Variants in LHFPL3 observed in about 807,000 individuals in gnomAD.
The protein encoded by LHFPL3 is LHFPL tetraspan subfamily member 3.
LHFPL3 carries 5 observed loss-of-function variants against 19.3 expected under a neutral mutation model. That is an observed-to-expected ratio of 0.26 (90% CI 0.14 to 0.54). The LOEUF (loss-of-function observed/expected upper bound fraction) is 0.54. Among genes scored for constraint, LHFPL3 ranks in the 20% least tolerant of loss-of-function variants. The pLI is 0.94. For synonymous variants in LHFPL3, 133 were observed against 126.2 expected, an observed-to-expected ratio of 1.05 and a Z score of -0.36; for missense variants, 249 against 307.4, an observed-to-expected ratio of 0.81 and a Z score of 1.42.
intron 1 of LHFPL3, among the ~76,000 whole-genome samples, chr7:104,377,259 A>G (rs1296427191): frequency 6.6e-6 from 1 of 152,172 alleles, no homozygotes; most frequent in African/African-American, 2.4e-5. Flanking sequence ...AGGAAAGGTG[A>G]CTGAGAGAGA....
At chr7:104,873,828 GCAAGGCTCCTGA>G (rs1301118242) in intron 2 of LHFPL3, among the ~76,000 whole-genome samples, 4 of 152,304 alleles carry the variant, frequency 2.6e-5, no homozygotes, top group Admixed American at 2.6e-4. Flanking sequence ...AGAGTGCGAG[GCAAGGCTCCTGA>G]CAAGACTGTT....
At chr7:104,888,102 T>A (rs1315195004) in intron 2 of LHFPL3, among the ~76,000 whole-genome samples, 2 of 151,876 alleles carry the variant, frequency 1.3e-5, no homozygotes, top group African/African-American at 4.8e-5. Flanking sequence ...GAACCTCACA[T>A]ACATGTACAC....
At chr7:104,426,242 T>C (rs1390123834) in intron 1 of LHFPL3, among the ~76,000 whole-genome samples, 1 of 143,758 alleles carries the variant, frequency 7.0e-6, no homozygotes, top group Non-Finnish European at 1.5e-5. Context: ...TATGTTCTGT[T>C]TGTTTGTTTG....
At chr7:104,703,712 CTTG>C (rs766161465) in intron 1 of LHFPL3, among the ~76,000 whole-genome samples, 26 of 152,232 alleles carry the variant, frequency 1.7e-4, no homozygotes, top group African/African-American at 3.6e-4. Flanking sequence ...CCTTTTCATA[CTTG>C]TTGTGATAAC....
chr7:104,529,345 T>C lies in LHFPL3; in HGVS notation c.445+200121T>C, dbSNP rs559211152. Among the ~76,000 whole-genome samples the C allele has an allele frequency of 2.3e-4, 35 of 152,298 alleles. No homozygotes were observed. The South Asian group carries it at 2.7e-3, about 12-fold the overall frequency. On this transcript the variant is annotated intron_variant, in intron 1 of 2. Transcript: ENST00000424859. ...CTTCATCTCTTGCTACTTCTTGTTC[T>C]GCCCCCAATGTCTCCATCACGAGGA...
chr7:104,436,087 C>A (rs1446607221), intron 1 of LHFPL3, among the ~76,000 whole-genome samples: 1 of 152,028 alleles, frequency 6.6e-6, no homozygotes, highest in East Asian at 1.9e-4. Flanking sequence ...CATATGGGAG[C>A]CCCTAGCCCC....
chr7:104,905,019 G>A (rs1041558484), intron 2 of LHFPL3, among the ~76,000 whole-genome samples: 17 of 152,032 alleles, frequency 1.1e-4, no homozygotes, highest in African/African-American at 3.4e-4. Context: ...GCAGTGGTGC[G>A]ATCTTTGCTC....
intron 1 of LHFPL3, among the ~76,000 whole-genome samples, chr7:104,438,792 A>C (rs1475501945): frequency 6.6e-6 from 1 of 151,302 alleles, no homozygotes; most frequent in African/African-American, 2.4e-5. Context: ...CAGCAGAGAA[A>C]TTTAACAAAC....
chr7:104,398,675 A>G (rs1791244588), intron 1 of LHFPL3, among the ~76,000 whole-genome samples: 1 of 152,184 alleles, frequency 6.6e-6, no homozygotes, highest in Admixed American at 6.5e-5. Flanking sequence ...TCTTCCAGCC[A>G]TTAGCAAGAA....
intron 2 of LHFPL3, among the ~76,000 whole-genome samples, chr7:104,770,107 C>G (rs1162120148): frequency 1.3e-5 from 2 of 152,034 alleles, no homozygotes; most frequent in African/African-American, 4.8e-5. Flanking sequence ...CCAGAGTCAG[C>G]CTGGTACGAG....
intron 1 of LHFPL3, among the ~76,000 whole-genome samples, chr7:104,676,301 T>G (rs773045814): frequency 3.3e-5 from 5 of 152,178 alleles, no homozygotes; most frequent in African/African-American, 4.8e-5. Context: ...AGAAATAACT[T>G]AAAAATCTTT....
At chr7:104,342,267 G>A (rs75541853) in intron 1 of LHFPL3, among the ~76,000 whole-genome samples, 2 of 152,222 alleles carry the variant, frequency 1.3e-5, no homozygotes, top group East Asian at 3.9e-4. Flanking sequence ...ATGCATTATA[G>A]TTGTGTTTCT....
intron 1 of LHFPL3, among the ~76,000 whole-genome samples, chr7:104,611,549 T>C (rs1791214217): frequency 6.6e-6 from 1 of 152,314 alleles, no homozygotes; most frequent in East Asian, 1.9e-4. Flanking sequence ...GCCCCTGATG[T>C]TTAGCTCAAC....
At chr7:104,341,835 T>A (rs1249695126) in intron 1 of LHFPL3, among the ~76,000 whole-genome samples, 2 of 152,096 alleles carry the variant, frequency 1.3e-5, no homozygotes, top group African/African-American at 4.8e-5. Context: ...TCCCTGACAC[T>A]GCCTGTAGGA....
intron 1 of LHFPL3, among the ~76,000 whole-genome samples, chr7:104,357,769 C>CTCCTCT (rs1790308570): frequency 1.3e-5 from 2 of 151,908 alleles, no homozygotes; most frequent in Admixed American, 6.6e-5. Context: ...CCTCCTCCTC[C>CTCCTCT]TCCTCCTTCT....
At chr7:104,544,463 T>G (rs1022506497) in intron 1 of LHFPL3, among the ~76,000 whole-genome samples, 33 of 152,318 alleles carry the variant, frequency 2.2e-4, no homozygotes, top group Non-Finnish European at 4.1e-4. Flanking sequence ...TAGATGCAGT[T>G]TCATGAGACA....
intron 1 of LHFPL3, among the ~76,000 whole-genome samples, chr7:104,435,052 G>T (rs182518289): frequency 1.3e-5 from 2 of 151,496 alleles, no homozygotes; most frequent in African/African-American, 4.8e-5. Context: ...CCCCTTATTG[G>T]GTGTCACAAT....
At chr7:104,385,672 A>ATTCATTCG (rs1476952325) in intron 1 of LHFPL3, among the ~76,000 whole-genome samples, 3 of 152,200 alleles carry the variant, frequency 2.0e-5, no homozygotes, top group Non-Finnish European at 2.9e-5. Context: ...CAATTTATTC[A>ATTCATTCG]TTCATTCATT....
chr7:104,832,861 C>G (rs1455610463), intron 2 of LHFPL3, among the ~76,000 whole-genome samples: 1 of 144,744 alleles, frequency 6.9e-6, no homozygotes, highest in Non-Finnish European at 1.5e-5. Context: ...CCTATAGTCT[C>G]AGCTCCTCAG....
Sources: gnomAD v4.1 joint callset for allele counts (sites outside exome capture counted in the v4.1 genomes callset) on GRCh38, gnomAD v4.1.1 for gene constraint, MANE v1.5 for transcripts, NCBI Gene and HGNC (gene_info 2026-07-23, HGNC 2026-07-21) for gene names.